Variants in MALRD1 observed in about 807,000 individuals in gnomAD.
MALRD1 encodes MAM and LDL-receptor class A domain-containing protein 1.
In MALRD1, 247 loss-of-function variants were observed where a neutral mutation model predicts 242.1. That is an observed-to-expected ratio of 1.02 (90% CI 0.92 to 1.13). MALRD1 has a LOEUF of 1.13. Ranked by LOEUF, MALRD1 falls within the 50% of genes most tolerant of loss-of-function variation. MALRD1 has a pLI of 0.00. For synonymous variants in MALRD1, 995 were observed against 866.6 expected (o/e 1.15, Z -2.60); for missense variants, 2,989 against 2,533.1 (o/e 1.18, Z -3.86).
chr10:19,700,274 A>G (rs1031519923), intron 38 of MALRD1, among the ~76,000 whole-genome samples: 1 of 152,110 alleles, frequency 6.6e-6, no homozygotes. Flanking sequence ...CATGCTTCAG[A>G]GCCAGAACAT....
chr10:19,524,654 T>G (rs12776128), intron 31 of MALRD1, among the ~76,000 whole-genome samples: 52,106 of 151,890 alleles, frequency 0.34, 10,761 homozygotes, highest in South Asian at 0.49. Context: ...GAGCTTTTGC[T>G]ATTTTGAAAG....
At chr10:19,117,945 A>T (rs1240554199) in intron 5 of MALRD1, among the ~76,000 whole-genome samples, 1 of 150,986 alleles carries the variant, frequency 6.6e-6, no homozygotes, top group Non-Finnish European at 1.5e-5. Flanking sequence ...GATAGCGGTG[A>T]AAAAGCAAAT....
intron 38 of MALRD1, among the ~76,000 whole-genome samples, chr10:19,723,199 CCA>C (rs1834852175): frequency 6.6e-6 from 1 of 152,052 alleles, no homozygotes; most frequent in South Asian, 2.1e-4. Flanking sequence ...ACCAATGCCT[CCA>C]CACACGAAAT....
At chr10:19,262,542 G>A (rs1379039883) in intron 19 of MALRD1, among the ~76,000 whole-genome samples, 4 of 151,724 alleles carry the variant, frequency 2.6e-5, no homozygotes, top group Non-Finnish European at 5.9e-5. Context: ...TGTAATCCCA[G>A]CTACTTAGGA....
chr10:19,654,256 G>A (rs969827624), intron 36 of MALRD1, among the ~76,000 whole-genome samples: 1 of 151,868 alleles, frequency 6.6e-6, no homozygotes, highest in Non-Finnish European at 1.5e-5. Flanking sequence ...CCACGATTAA[G>A]AAAAGGGAAA....
intron 24 of MALRD1, among the ~76,000 whole-genome samples, chr10:19,336,217 C>A (rs532947056): frequency 6.6e-6 from 1 of 152,206 alleles, no homozygotes; most frequent in East Asian, 1.9e-4. Context: ...ACTCTAAAAT[C>A]TTATTTGAAC....
intron 26 of MALRD1, among the ~76,000 whole-genome samples, chr10:19,373,332 C>G (rs555734470): frequency 6.6e-6 from 1 of 151,768 alleles, no homozygotes. Flanking sequence ...GAAACCCCGT[C>G]TCTACTAAAA....
At chr10:19,683,362 A>G (rs972257588) in intron 36 of MALRD1, among the ~76,000 whole-genome samples, 1 of 152,214 alleles carries the variant, frequency 6.6e-6, no homozygotes, top group Non-Finnish European at 1.5e-5. Flanking sequence ...AAAGCTGAAG[A>G]TTGTGTAGCA....
intron 29 of MALRD1, among the ~76,000 whole-genome samples, chr10:19,455,755 T>G (rs1370071720): frequency 6.6e-6 from 1 of 152,226 alleles, no homozygotes; most frequent in Non-Finnish European, 1.5e-5. Context: ...CATTTTCACA[T>G]GTTCCACAAA....
chr10:19,692,248 T>C, intron 36 of MALRD1, 34 bp from the exon 37 acceptor site: 1 of 1,485,106 alleles, frequency 6.7e-7, no homozygotes, highest in South Asian at 1.2e-5. Context: ...TCACTTTTCT[T>C]TTTTCCAACT....
At chr10:19,477,602 G>A (rs893913710) in intron 29 of MALRD1, among the ~76,000 whole-genome samples, 3 of 152,212 alleles carry the variant, frequency 2.0e-5, no homozygotes, top group South Asian at 4.1e-4. Flanking sequence ...CAAGAAGTGA[G>A]TTTAAGGGTG....
At chr10:19,057,452 T>C (rs1399546317) in intron 1 of MALRD1, among the ~76,000 whole-genome samples, 1 of 152,260 alleles carries the variant, frequency 6.6e-6, no homozygotes, top group African/African-American at 2.4e-5. Flanking sequence ...ACCATCCTCA[T>C]GATCTCATAA....
At chr10:19,373,614 T>G (rs7078704) in intron 26 of MALRD1, among the ~76,000 whole-genome samples, 118,428 of 152,072 alleles carry the variant, frequency 0.78, 46,630 homozygotes, top group African/African-American at 0.88. Context: ...CATAAAATAC[T>G]AGAGAAAACA....
At chr10:19,226,181 T>C (rs766836433) in intron 18 of MALRD1, among the ~76,000 whole-genome samples, 11 of 152,172 alleles carry the variant, frequency 7.2e-5, no homozygotes, top group Non-Finnish European at 1.5e-4. Flanking sequence ...TTATCTCAAG[T>C]TGGTTTCAAC....
chr10:19,649,781 T>C (rs1409111855), intron 36 of MALRD1, among the ~76,000 whole-genome samples: 3 of 152,192 alleles, frequency 2.0e-5, no homozygotes, highest in Admixed American at 2.0e-4. Flanking sequence ...TTTGGTGTCT[T>C]TGTCATAAAA....
intron 26 of MALRD1, among the ~76,000 whole-genome samples, chr10:19,355,381 G>A (rs1844573295): frequency 6.7e-6 from 1 of 150,118 alleles, no homozygotes; most frequent in Non-Finnish European, 1.5e-5. Context: ...ATAAGAATAT[G>A]AAAAGTTAAT....
At chr10:19,547,785 CATATATATATATATATATATATATAT>C (rs1160775136) in intron 32 of MALRD1, among the ~76,000 whole-genome samples, 2 of 16,204 alleles carry the variant, frequency 1.2e-4, no homozygotes, top group South Asian at 5.0e-3. Flanking sequence ...TTCACAGATA[CATATATATATATATATATATATATAT>C]ATATATATTT....
chr10:19,125,234 T>A (rs1271053113), intron 7 of MALRD1, among the ~76,000 whole-genome samples: 2 of 151,972 alleles, frequency 1.3e-5, no homozygotes, highest in African/African-American at 4.8e-5. Flanking sequence ...GTTTGAGCCA[T>A]CATGCCCGGC....
At chr10:19,575,249 A>C (rs1444168904) in intron 33 of MALRD1, among the ~76,000 whole-genome samples, 1 of 152,214 alleles carries the variant, frequency 6.6e-6, no homozygotes, top group Non-Finnish European at 1.5e-5. Flanking sequence ...AGCAAGACCC[A>C]GTAGGGCTAA....
Sources: allele counts gnomAD v4.1 joint callset (sites outside exome capture counted in the v4.1 genomes callset), GRCh38; gene constraint gnomAD v4.1.1; transcripts MANE v1.5; gene names NCBI Gene and HGNC (gene_info 2026-07-23, HGNC 2026-07-21).